Variants in ARL17B observed in about 807,000 individuals in gnomAD.
ARL17B encodes ADP-ribosylation factor-like protein 17.
At chr17:46,278,268 C>A (rs2696531) in intron 4 of ARL17B, among the ~76,000 whole-genome samples, 10,084 of 151,498 alleles carry the variant, frequency 0.067, no homozygotes, top group Middle Eastern at 0.11. Context: ...TTATACTGCT[C>A]TTTCTTGTTT....
Position 46,287,058 on chromosome 17 carries a change from A to G in ARL17B, c.*22-11640T>C, listed in dbSNP as rs574376632. On this transcript the variant is annotated intron_variant, in intron 4 of 4. Transcript: ENST00000570618. ...CTTCCCTGCCTTGCTTCATTTTTTT[A>G]CAGGATAACTTCCTGCTATGAGTCA... 4.6e-5 allele frequency among the ~76,000 whole-genome samples: 7 copies of G among 152,312 alleles called. 1 individual carries two copies. The South Asian group carries it at 1.2e-3, about 27-fold the overall frequency.
downstream of ARL17B, chr17:46,331,142 G>T: frequency 1.4e-6 from 1 of 731,424 alleles, no homozygotes; most frequent in East Asian, 2.6e-5. Flanking sequence ...AAAGGCTAGA[G>T]TTACAAATAC....
At chr17:46,279,704 C>A (rs1377210951) in intron 4 of ARL17B, among the ~76,000 whole-genome samples, 1 of 151,784 alleles carries the variant, frequency 6.6e-6, no homozygotes, top group Admixed American at 6.6e-5. Flanking sequence ...TCATGTTGCC[C>A]GGGCTGGTCT....
chr17:46,292,175 T>C (rs186639311), intron 4 of ARL17B, among the ~76,000 whole-genome samples: 11 of 79,302 alleles, frequency 1.4e-4, no homozygotes, highest in African/African-American at 3.5e-4. Flanking sequence ...CTACTAAAAA[T>C]ACAAAAATTG....
intron 3 of ARL17B, among the ~76,000 whole-genome samples, chr17:46,314,586 A>G (rs1166573194): frequency 2.6e-5 from 2 of 76,206 alleles, no homozygotes; most frequent in Non-Finnish European, 3.9e-5. Flanking sequence ...GCCTCCCAAA[A>G]TGCTGGGATT....
At chr17:46,315,477 T>C (rs1223894788) in intron 3 of ARL17B, among the ~76,000 whole-genome samples, 2 of 124,892 alleles carry the variant, frequency 1.6e-5, no homozygotes, top group East Asian at 4.7e-4. Flanking sequence ...CAGTGAGCCA[T>C]GATTGTTCCA....
chr17:46,286,221 T>C (rs558282520), intron 4 of ARL17B, among the ~76,000 whole-genome samples: 2 of 152,386 alleles, frequency 1.3e-5, no homozygotes, highest in Admixed American at 6.5e-5. Flanking sequence ...TTTAATACTT[T>C]CAAGATCGAC....
intron 4 of ARL17B, among the ~76,000 whole-genome samples, chr17:46,278,247 G>C (rs1273676759): frequency 6.6e-6 from 1 of 152,124 alleles, no homozygotes; most frequent in Non-Finnish European, 1.5e-5. Flanking sequence ...TGCCCAGCCT[G>C]GGTAGCTTTC....
At chr17:46,283,729 G>T (rs2049832233) in intron 4 of ARL17B, among the ~76,000 whole-genome samples, 2 of 152,314 alleles carry the variant, frequency 1.3e-5, no homozygotes, top group African/African-American at 4.8e-5. Context: ...AGGGGGCCCA[G>T]GGTACCTGCG....
intron 4 of ARL17B, among the ~76,000 whole-genome samples, chr17:46,287,242 C>T (rs1158917950): frequency 3.9e-5 from 6 of 152,216 alleles, no homozygotes; most frequent in African/African-American, 1.4e-4. Flanking sequence ...AAAAAATAAA[C>T]CACACACTGA....
Position 46,308,998 on chromosome 17 carries a change from A to G in ARL17B, c.260-9333T>C, listed in dbSNP as rs2143691281. ...AAATCATCCCTGGGTTCCAATAGTTACAACCCAGTAAATCTCTTGAATGAA... is the reference window on the plus strand; with the variant it reads ...AAATCATCCCTGGGTTCCAATAGTTGCAACCCAGTAAATCTCTTGAATGAA... On this transcript the variant is annotated intron_variant, in intron 3 of 4. Transcript: ENST00000434041. 2.7e-5 allele frequency among the ~76,000 whole-genome samples: 2 copies of G among 73,478 alleles called. 1 individual carries two copies. Among genetic ancestry groups the G allele is most frequent in the East Asian group, 5.2e-4 (2 of 3,870 alleles). 48.2% of individuals were successfully genotyped at this position (73,478 alleles called of 152,430 possible).
chr17:46,290,487 C>T (rs936580256), intron 4 of ARL17B, among the ~76,000 whole-genome samples: 2 of 152,234 alleles, frequency 1.3e-5, no homozygotes, highest in African/African-American at 2.4e-5. Context: ...GAGATGGAGT[C>T]TCGCTCTGTC....
chr17:46,276,635 G>A (rs1466578405), intron 4 of ARL17B, among the ~76,000 whole-genome samples: 1 of 152,182 alleles, frequency 6.6e-6, no homozygotes, highest in Non-Finnish European at 1.5e-5. Context: ...ATATGGCAAA[G>A]GAAATTCTGG....
At chr17:46,305,027 C>T (rs1479709051) in intron 3 of ARL17B, among the ~76,000 whole-genome samples, 2 of 80,738 alleles carry the variant, frequency 2.5e-5, no homozygotes, top group African/African-American at 6.8e-5. Flanking sequence ...TGCCACTAGG[C>T]CCGGCTAATT....
rs1468516566 is a variant in ARL17B at position 46,334,961 on chromosome 17, A to G, written c.*4539T>C. ...TGACTTAAATTACATGGGGCCAGGCATGGTGGCTCACACTTGTAATCCCAA... is the reference window on the plus strand; with the variant it reads ...TGACTTAAATTACATGGGGCCAGGCGTGGTGGCTCACACTTGTAATCCCAA... On this transcript the variant is annotated 3_prime_UTR_variant, in exon 4 of 4. Transcript: ENST00000450673. 1.2e-5 allele frequency: 1 copy of G among 86,240 alleles called. No individual in the cohort carries two copies. 5.3% of individuals were successfully genotyped at this position (86,240 alleles called of 1,614,324 possible). A position where few individuals can be genotyped will look rare whatever the true frequency, so the allele number is the denominator to read the frequency against.
At position 46,335,627 on chromosome 17, in the gene ARL17B, CTCTTT is replaced by C. The variant is rs1481633758; in HGVS notation, c.*3868_*3872del. The stretch of plus-strand genomic sequence containing the variant: ...TTAGTCTGGTGATTTTTTTTTTCTT[CTCTTT>C]TGAGATGGAGTTTCCCTCTTGTTGC... On this transcript the variant is annotated 3_prime_UTR_variant, in exon 4 of 4. Coordinates refer to ENST00000450673, the MANE Select transcript of ARL17B (RefSeq NM_001039083.5). 5.6e-6 allele frequency: 1 copy of C among 180,098 alleles called. No homozygotes were observed. The highest frequency in any genetic ancestry group is 1.8e-5 in the African/African-American group (1 of 54,304). 11.2% of individuals were successfully genotyped at this position (180,098 alleles called of 1,614,324 possible). A position where few individuals can be genotyped will look rare whatever the true frequency, so the allele number is the denominator to read the frequency against.
At chr17:46,275,322 T>G in exon 5 of ARL17B, 1 of 830,954 alleles carries the variant, frequency 1.2e-6, no homozygotes, top group Non-Finnish European at 1.8e-6. Context: ...CTCCTTAATT[T>G]AAAATAGTTC....
intron 4 of ARL17B, among the ~76,000 whole-genome samples, chr17:46,280,390 C>A (rs1347507954): frequency 6.6e-6 from 1 of 152,044 alleles, no homozygotes; most frequent in Non-Finnish European, 1.5e-5. Context: ...AGAAAAATTT[C>A]TAGCCCAGTG....
At chr17:46,307,823 A>G (rs2050619744) in intron 3 of ARL17B, among the ~76,000 whole-genome samples, 1 of 77,982 alleles carries the variant, frequency 1.3e-5, no homozygotes, top group African/African-American at 3.2e-5. Context: ...GACCAGCCTG[A>G]CCAACATGGT....
Sources: gnomAD v4.1 joint callset for allele counts (sites outside exome capture counted in the v4.1 genomes callset) on GRCh38, gnomAD v4.1.1 for gene constraint, MANE v1.5 for transcripts, NCBI Gene and HGNC (gene_info 2026-07-23, HGNC 2026-07-21) for gene names.